The following GPHN variants were observed in gnomAD, a reference collection of about 807,000 sequenced individuals.
GPHN encodes gephyrin.
A neutral mutation model predicts 95.5 loss-of-function variants in GPHN; 17 were observed. The observed-to-expected ratio is 0.18, with a 90% CI of 0.12 to 0.27. GPHN has a LOEUF of 0.27. Ranked by LOEUF, GPHN falls within the 10% of genes least tolerant of loss-of-function variation. The pLI is 1.00. For missense variants in GPHN, 660 were observed against 978.1 expected (o/e 0.67, Z 4.34); for synonymous variants, 320 against 322.5 (o/e 0.99, Z 0.08).
the GPHN span, chr14:67,203,394 A>G: frequency 1.9e-5 from 18 of 954,552 alleles, no homozygotes; most frequent in African/African-American, 2.3e-4. Context: ...CCAGTGGAGC[A>G]TGTTACTCGC....
the GPHN span, among the ~76,000 whole-genome samples, chr14:67,552,191 C>T: frequency 6.6e-6 from 1 of 152,190 alleles, no homozygotes; most frequent in Non-Finnish European, 1.5e-5. Context: ...CTAAACCTGA[C>T]ACCTCCTTGG....
At chr14:67,521,112 A>G in the GPHN span, among the ~76,000 whole-genome samples, 1 of 152,226 alleles carries the variant, frequency 6.6e-6, no homozygotes, top group African/African-American at 2.4e-5. Flanking sequence ...AGGCTCTGAA[A>G]AGTACCAGGA....
chr14:67,306,422 G>A, the GPHN span, among the ~76,000 whole-genome samples: 1 of 151,922 alleles, frequency 6.6e-6, no homozygotes, highest in Non-Finnish European at 1.5e-5. Flanking sequence ...TTGGCTCACT[G>A]TAACCTCTGC....
At chr14:67,318,367 T>G in the GPHN span, among the ~76,000 whole-genome samples, 5 of 152,242 alleles carry the variant, frequency 3.3e-5, no homozygotes, top group Non-Finnish European at 7.3e-5. Flanking sequence ...TGACAGATTA[T>G]GTAACTAAAA....
At chr14:67,244,681 G>T in the GPHN span, among the ~76,000 whole-genome samples, 1 of 152,088 alleles carries the variant, frequency 6.6e-6, no homozygotes, top group Non-Finnish European at 1.5e-5. Context: ...ATAGGTTTTT[G>T]TGTAAACCTA....
the GPHN span, chr14:67,690,374 C>T: frequency 1.2e-6 from 2 of 1,614,138 alleles, no homozygotes; most frequent in East Asian, 4.5e-5. Context: ...CTTGATGGGG[C>T]TGATTCCTTT....
At chr14:67,632,241 T>C in the GPHN span, among the ~76,000 whole-genome samples, 1 of 152,226 alleles carries the variant, frequency 6.6e-6, no homozygotes, top group African/African-American at 2.4e-5. Context: ...TGTATACAGA[T>C]GTCTTCCATG....
chr14:67,476,653 T>C, the GPHN span, among the ~76,000 whole-genome samples: 77,069 of 152,002 alleles, frequency 0.51, 20,296 homozygotes, highest in African/African-American at 0.66. Flanking sequence ...TACTCCCATT[T>C]TTTTGCAGTG....
the GPHN span, chr14:67,334,944 T>G: frequency 6.6e-6 from 1 of 152,190 alleles, no homozygotes; most frequent in Non-Finnish European, 1.5e-5. Flanking sequence ...CTATTGGCAG[T>G]TCATGTTAAG....
intron 1 of GPHN, among the ~76,000 whole-genome samples, chr14:66,568,139 T>G (rs1453678166): frequency 6.6e-6 from 1 of 152,234 alleles, no homozygotes; most frequent in Non-Finnish European, 1.5e-5. Context: ...AATAACTAAT[T>G]TATTTTTCAT....
intron 2 of GPHN, among the ~76,000 whole-genome samples, chr14:66,735,473 G>A (rs968642471): frequency 3.3e-5 from 5 of 152,078 alleles, no homozygotes; most frequent in African/African-American, 1.2e-4. Flanking sequence ...AGTAATTGTA[G>A]TTACTATTAA....
intron 12 of GPHN, among the ~76,000 whole-genome samples, chr14:67,090,345 T>C (rs1026103679): frequency 2.0e-5 from 3 of 152,096 alleles, no homozygotes; most frequent in South Asian, 2.1e-4. Context: ...TTTTTGCGTG[T>C]TGACATGGCA....
At chr14:66,851,598 A>C (rs1471065272) in intron 4 of GPHN, among the ~76,000 whole-genome samples, 1 of 152,172 alleles carries the variant, frequency 6.6e-6, no homozygotes, top group Non-Finnish European at 1.5e-5. Context: ...CAATGGCTGA[A>C]ACCGTTAAGT....
At chr14:67,198,689 A>G in the GPHN span, among the ~76,000 whole-genome samples, 3 of 152,234 alleles carry the variant, frequency 2.0e-5, no homozygotes, top group Admixed American at 2.0e-4. Flanking sequence ...AGGGATTACA[A>G]TGAATCTTAA....
the GPHN span, among the ~76,000 whole-genome samples, chr14:67,452,001 T>C: frequency 6.6e-6 from 1 of 152,158 alleles, no homozygotes; most frequent in Admixed American, 6.5e-5. Context: ...GTTCTCATGA[T>C]AGAGAATGGG....
At chr14:67,462,893 G>A in the GPHN span, among the ~76,000 whole-genome samples, 1 of 152,248 alleles carries the variant, frequency 6.6e-6, no homozygotes, top group African/African-American at 2.4e-5. Flanking sequence ...TAGCCAATGG[G>A]AAAGGGGTCA....
chr14:66,643,043 A>C (rs950731897), intron 1 of GPHN, among the ~76,000 whole-genome samples: 17 of 152,130 alleles, frequency 1.1e-4, no homozygotes, highest in Non-Finnish European at 2.2e-4. Context: ...AGATACTTGT[A>C]ATACATATAT....
chr14:67,431,391 CAAA>C, the GPHN span, among the ~76,000 whole-genome samples: 42,877 of 77,782 alleles, frequency 0.55, 8,439 homozygotes, highest in Middle Eastern at 0.66. Context: ...GACTCTGTCT[CAAA>C]AAAAAAAAAA....
the GPHN span, among the ~76,000 whole-genome samples, chr14:67,591,177 A>G: frequency 6.6e-6 from 1 of 152,196 alleles, no homozygotes; most frequent in East Asian, 1.9e-4. Flanking sequence ...AAATACTGAT[A>G]GGTAATACAA....
Sources: allele counts gnomAD v4.1 joint callset (sites outside exome capture counted in the v4.1 genomes callset), GRCh38; gene constraint gnomAD v4.1.1; transcripts MANE v1.5; gene names NCBI Gene and HGNC (gene_info 2026-07-23, HGNC 2026-07-21).